Variants in CFAP96 observed in about 807,000 individuals in gnomAD.
The protein encoded by CFAP96 is cilia-and flagella-associated protein 96.
the CFAP96 span, chr4:185,449,699 G>C: frequency 5.8e-6 from 7 of 1,214,334 alleles, no homozygotes; most frequent in Non-Finnish European, 7.9e-6. Flanking sequence ...TCACTATCAA[G>C]AGCTAATTAT....
chr4:185,418,404 C>A, the CFAP96 span: 2 of 1,490,548 alleles, frequency 1.3e-6, no homozygotes, highest in African/African-American at 2.8e-5. Context: ...AAAGATTTAA[C>A]ATTTTTATCA....
At chr4:185,432,116 A>T in the CFAP96 span, 1 of 1,551,874 alleles carries the variant, frequency 6.4e-7, no homozygotes, top group South Asian at 1.2e-5. Context: ...CATAAATCTG[A>T]ATCAAGTGAG....
chr4:185,449,351 T>C, the CFAP96 span, among the ~76,000 whole-genome samples: 3 of 152,002 alleles, frequency 2.0e-5, no homozygotes, highest in Non-Finnish European at 4.4e-5. Flanking sequence ...CAAAACTCTG[T>C]CTCTACAAAA....
At chr4:185,415,579 A>C in the CFAP96 span, 4 of 882,646 alleles carry the variant, frequency 4.5e-6, no homozygotes, top group African/African-American at 6.9e-5. Context: ...CCATTTAATT[A>C]ATAGATGGCT....
chr4:185,435,139 T>G, the CFAP96 span, among the ~76,000 whole-genome samples: 1 of 152,228 alleles, frequency 6.6e-6, no homozygotes, highest in East Asian at 1.9e-4. Flanking sequence ...TGAATAGTTC[T>G]CCTTTATCTG....
At chr4:185,415,756 G>A in the CFAP96 span, 1 of 1,613,544 alleles carries the variant, frequency 6.2e-7, no homozygotes, top group Non-Finnish European at 8.5e-7. Flanking sequence ...GCATCGACAG[G>A]TAAAGTCATA....
the CFAP96 span, among the ~76,000 whole-genome samples, chr4:185,434,622 A>G: frequency 1.3e-5 from 2 of 152,226 alleles, no homozygotes; most frequent in South Asian, 2.1e-4. Context: ...TGTGAAAAAC[A>G]TCTATAATTT....
the CFAP96 span, among the ~76,000 whole-genome samples, chr4:185,413,362 T>C: frequency 2.0e-5 from 3 of 152,128 alleles, no homozygotes; most frequent in African/African-American, 7.2e-5. Context: ...CACTACAGCC[T>C]GAGTGACAGA....
At chr4:185,415,691 G>A in the CFAP96 span, 4 of 1,596,660 alleles carry the variant, frequency 2.5e-6, no homozygotes, top group Middle Eastern at 3.3e-4. Context: ...TGTGGCAGTG[G>A]TACTATAAAA....
the CFAP96 span, among the ~76,000 whole-genome samples, chr4:185,418,273 C>T: frequency 6.6e-6 from 1 of 152,030 alleles, no homozygotes; most frequent in South Asian, 2.1e-4. Flanking sequence ...CAGACAAAAA[C>T]TTAGATAAGT....
the CFAP96 span, among the ~76,000 whole-genome samples, chr4:185,439,717 A>C: frequency 6.7e-6 from 1 of 149,944 alleles, no homozygotes; most frequent in Non-Finnish European, 1.5e-5. Context: ...GATAGCAAAA[A>C]AATTATAGAC....
the CFAP96 span, among the ~76,000 whole-genome samples, chr4:185,411,105 C>A: frequency 7.0e-6 from 1 of 143,276 alleles, no homozygotes; most frequent in Non-Finnish European, 1.5e-5. Context: ...TAGAGGGGGC[C>A]AACAAAGCCA....
chr4:185,422,507 AG>A, the CFAP96 span: 1 of 1,611,608 alleles, frequency 6.2e-7, no homozygotes, highest in Non-Finnish European at 8.5e-7. Flanking sequence ...CTAGCTGAAA[AG>A]CCAAATCAAG....
At chr4:185,418,564 T>C in the CFAP96 span, 1 of 1,611,434 alleles carries the variant, frequency 6.2e-7, no homozygotes, top group Non-Finnish European at 8.5e-7. Context: ...AAAACATTTC[T>C]AGAAATCTTC....
the CFAP96 span, among the ~76,000 whole-genome samples, chr4:185,408,590 C>T: frequency 6.6e-6 from 1 of 152,108 alleles, no homozygotes; most frequent in Non-Finnish European, 1.5e-5. Context: ...TAACATTATA[C>T]CTTCTTGGCT....
At chr4:185,428,878 T>G in the CFAP96 span, among the ~76,000 whole-genome samples, 12,873 of 152,194 alleles carry the variant, frequency 0.085, 626 homozygotes, top group Middle Eastern at 0.14. Context: ...CTCAATGTGT[T>G]GTACATCCTG....
At chr4:185,411,900 A>G in the CFAP96 span, among the ~76,000 whole-genome samples, 1 of 152,254 alleles carries the variant, frequency 6.6e-6, no homozygotes, top group African/African-American at 2.4e-5. Context: ...TATAAAACTC[A>G]GAACTATGCA....
At chr4:185,431,940 T>C in the CFAP96 span, 2 of 1,404,686 alleles carry the variant, frequency 1.4e-6, no homozygotes, top group East Asian at 2.5e-5. Flanking sequence ...CTTTAATTGC[T>C]AGTCAGCTCA....
chr4:185,445,781 A>G, the CFAP96 span, among the ~76,000 whole-genome samples: 1 of 152,228 alleles, frequency 6.6e-6, no homozygotes, highest in East Asian at 1.9e-4. Context: ...GACAGCAATT[A>G]TAATACTAAC....
Sources: allele counts gnomAD v4.1 joint callset (sites outside exome capture counted in the v4.1 genomes callset), GRCh38; gene constraint gnomAD v4.1.1; transcripts MANE v1.5; gene names NCBI Gene and HGNC (gene_info 2026-07-23, HGNC 2026-07-21).